The following CR1L variants were observed in gnomAD, a reference collection of about 807,000 sequenced individuals.
CR1L encodes complement C3b/C4b receptor 1 like.
CR1L carries 59 observed loss-of-function variants against 62.3 expected under a neutral mutation model. The observed-to-expected ratio is 0.95, with a 90% CI of 0.77 to 1.18. The LOEUF is 1.18. CR1L is among the 50% of genes most tolerant of loss of function. The probability of loss-of-function intolerance (pLI) is 0.00; values close to 1 mark genes in which losing one functional copy is unlikely to be tolerated. For missense variants in CR1L, 700 were observed against 702.8 expected, an observed-to-expected ratio of 1.00 and a Z score of 0.04; for synonymous variants, 279 against 248.7, an observed-to-expected ratio of 1.12 and a Z score of -1.15.
At chr1:207,657,126 T>C (rs1663326265) in intron 1 of CR1L, 1 of 746,418 alleles carries the variant, frequency 1.3e-6, no homozygotes, top group Non-Finnish European at 2.4e-6. Context: ...TTTTAAGAGA[T>C]TTTGTGCACA....
chr1:207,650,296 G>GT, intron 1 of CR1L, among the ~76,000 whole-genome samples: 1 of 152,296 alleles, frequency 6.6e-6, no homozygotes, highest in Middle Eastern at 3.4e-3. Flanking sequence ...TATTACCTTG[G>GT]TATGAGCCAG....
At chr1:207,676,399 C>A (rs1381178786) in intron 1 of CR1L, among the ~76,000 whole-genome samples, 1 of 152,098 alleles carries the variant, frequency 6.6e-6, no homozygotes, top group Non-Finnish European at 1.5e-5. Flanking sequence ...TGCCTGAGCT[C>A]CACCTCCTGT....
chr1:207,708,056 A>T (rs1664296819), intron 9 of CR1L, 122 bp from the exon 10 acceptor site: 1 of 1,174,840 alleles, frequency 8.5e-7, no homozygotes, highest in Non-Finnish European at 1.3e-6. Context: ...ACAATAGGTA[A>T]AGTTTAGGCT....
At chr1:207,653,022 T>G (rs1663253247) in intron 1 of CR1L, 3 of 230,548 alleles carry the variant, frequency 1.3e-5, no homozygotes, top group Non-Finnish European at 2.6e-5. Flanking sequence ...ATTTTGACCT[T>G]GATTCCAATC....
chr1:207,710,978 A>G (rs546296761), intron 10 of CR1L, among the ~76,000 whole-genome samples: 1 of 152,336 alleles, frequency 6.6e-6, no homozygotes, highest in South Asian at 2.1e-4. Context: ...TTGAAAAGCA[A>G]GACCTTAATT....
At chr1:207,695,356 C>T (rs961132917) in intron 5 of CR1L, among the ~76,000 whole-genome samples, 2 of 152,116 alleles carry the variant, frequency 1.3e-5, no homozygotes, top group African/African-American at 2.4e-5. Flanking sequence ...TCTCGAACAC[C>T]TGAGCTGAAG....
intron 1 of CR1L, among the ~76,000 whole-genome samples, chr1:207,674,115 G>T (rs1426389700): frequency 6.6e-6 from 1 of 152,196 alleles, no homozygotes; most frequent in Non-Finnish European, 1.5e-5. Flanking sequence ...AGTGATTCGG[G>T]TTATATGAAA....
In CR1L at chr1:207,648,771, A is replaced by G. The variant is rs572971087; in HGVS notation, c.97+3441A>G. Among the ~76,000 whole-genome samples, 4 of 152,350 alleles carry G rather than the reference A, an allele frequency of 2.6e-5. No individual in the cohort carries two copies. The East Asian group carries it at 7.7e-4, about 29-fold the overall frequency. On this transcript the variant is annotated intron_variant, in intron 1 of 11. Coordinates refer to ENST00000508064, the MANE Select transcript of CR1L (RefSeq NM_175710.2). Reference sequence around the variant, plus strand: ...GCTTCTTAGTTTCCTCACTCGGCATACTACAATGCAAAAAGAGCAGTCCAT... The same window carrying G: ...GCTTCTTAGTTTCCTCACTCGGCATGCTACAATGCAAAAAGAGCAGTCCAT...
chr1:207,676,669 T>C (rs1197860102), intron 1 of CR1L, among the ~76,000 whole-genome samples: 1 of 152,172 alleles, frequency 6.6e-6, no homozygotes, highest in Non-Finnish European at 1.5e-5. Context: ...TTATTATTAT[T>C]GTTAAGATGG....
At chr1:207,689,912 T>G (rs1451204741) in intron 4 of CR1L, among the ~76,000 whole-genome samples, 1 of 152,098 alleles carries the variant, frequency 6.6e-6, no homozygotes, top group Non-Finnish European at 1.5e-5. Flanking sequence ...ATTTATTATA[T>G]CCTCAGAAAT....
intron 1 of CR1L, among the ~76,000 whole-genome samples, chr1:207,676,721 C>A (rs1406075712): frequency 6.6e-6 from 1 of 152,152 alleles, no homozygotes; most frequent in Non-Finnish European, 1.5e-5. Context: ...GTGGCACAGT[C>A]TTGGCTCACT....
chr1:207,664,715 G>T (rs1035782717), intron 1 of CR1L, among the ~76,000 whole-genome samples: 1 of 152,136 alleles, frequency 6.6e-6, no homozygotes. Context: ...GGAGAGAATT[G>T]CTTGTGAGAA....
chr1:207,696,371 A>G (rs1664101250), intron 5 of CR1L, among the ~76,000 whole-genome samples: 1 of 152,234 alleles, frequency 6.6e-6, no homozygotes, highest in African/African-American at 2.4e-5. Context: ...AATTTGGTAT[A>G]TATGCCTCCA....
chr1:207,654,898 A>G (rs922085872), intron 1 of CR1L, among the ~76,000 whole-genome samples: 2 of 152,354 alleles, frequency 1.3e-5, no homozygotes, highest in Non-Finnish European at 2.9e-5. Flanking sequence ...GAAAACGCAC[A>G]GAAATGAATG....
intron 1 of CR1L, among the ~76,000 whole-genome samples, chr1:207,647,580 T>C (rs1663149596): frequency 1.3e-5 from 2 of 152,350 alleles, no homozygotes; most frequent in South Asian, 4.1e-4. Context: ...GTATGAACCC[T>C]AACTCAGTAT....
chr1:207,665,925 C>T (rs115530097), intron 1 of CR1L, among the ~76,000 whole-genome samples: 4,272 of 152,264 alleles, frequency 0.028, 205 homozygotes, highest in African/African-American at 0.096. Context: ...TAAGACTATA[C>T]ATCCTGAGTG....
In CR1L at chr1:207,683,957, A is replaced by G; in HGVS notation, c.463A>G (p.Arg155Gly). The change falls in exon 4 of 12, where the codon AGA (arginine) becomes GGA (glycine). Residue 155 changes from arginine (R) to glycine (G), a missense_variant and splice_region_variant. Coordinates refer to ENST00000508064, the MANE Select transcript of CR1L (RefSeq NM_175710.2). ...IWDNKTPVCD[R>G]IICGLPPTIA... is the part of the protein sequence containing the mutation. ...GGATAATAAAACACCTGTTTGTGAC[A>G]GTGAGTTGAAATATGCATTCCTATT... 6.2e-7 allele frequency: 1 copy of G among 1,611,714 alleles called. No homozygotes were observed. The highest frequency in any genetic ancestry group is 8.5e-7 in the Non-Finnish European group (1 of 1,178,306).
At position 207,675,352 on chromosome 1, in the gene CR1L, C is replaced by A. The variant is rs533786826; in HGVS notation, c.98-2037C>A. Reference sequence around the variant, plus strand: ...GGAAGGCATCAGACTAGATTGGGTGCGTTCAGGGTGGTATGGCCATAGACA... The same window carrying A: ...GGAAGGCATCAGACTAGATTGGGTGAGTTCAGGGTGGTATGGCCATAGACA... On this transcript the variant is annotated intron_variant, in intron 1 of 11. Transcript: ENST00000508064. Among the ~76,000 whole-genome samples, 21 of 152,140 alleles carry A rather than the reference C, an allele frequency of 1.4e-4. No homozygotes were observed. In the South Asian group the frequency reaches 3.5e-3, roughly 26 times the overall value.
In CR1L at chr1:207,701,542, G is replaced by C; in HGVS notation, c.1252G>C (p.Val418Leu). The change falls in exon 9 of 12, where the codon GTT becomes CTT. Residue 418 changes from valine (V) to leucine (L), a missense_variant. Transcript: ENST00000508064. Reference sequence around the variant, plus strand: ...AGGTAAATCATGTGAAACTCCTCCAGTTCCAGTGAATGGCATGGTGCATGT... The same window carrying C: ...AGGTAAATCATGTGAAACTCCTCCACTTCCAGTGAATGGCATGGTGCATGT... ...CERKSCETPP[V>L]PVNGMVHVIT... The C allele has an allele frequency of 6.2e-7, 1 of 1,613,810 alleles. No homozygotes were observed. Among genetic ancestry groups the C allele is most frequent in the East Asian group, 2.2e-5 (1 of 44,882 alleles).
Sources: gnomAD v4.1 joint callset for allele counts (sites outside exome capture counted in the v4.1 genomes callset) on GRCh38, gnomAD v4.1.1 for gene constraint, MANE v1.5 for transcripts, NCBI Gene and HGNC (gene_info 2026-07-23, HGNC 2026-07-21) for gene names.